Variants in SEMA6A observed in about 807,000 individuals in gnomAD.
The protein encoded by SEMA6A is semaphorin 6A.
In SEMA6A, 25 loss-of-function variants were observed where a neutral mutation model predicts 96.8. The observed-to-expected ratio is 0.26, with a 90% CI of 0.19 to 0.36. The LOEUF (loss-of-function observed/expected upper bound fraction) is 0.36, where lower values mean the gene tolerates loss of function less well. Ranked by LOEUF, SEMA6A falls within the 10% of genes least tolerant of loss-of-function variation. The pLI is 1.00. For missense variants in SEMA6A, 1,363 were observed against 1,323.1 expected (o/e 1.03, Z -0.47); for synonymous variants, 612 against 518.0 (o/e 1.18, Z -2.46).
chr5:116,527,865 T>C (rs1416434828), intron 1 of SEMA6A, among the ~76,000 whole-genome samples: 1 of 152,202 alleles, frequency 6.6e-6, no homozygotes, highest in African/African-American at 2.4e-5. Flanking sequence ...GAAGTCCAAC[T>C]CAGGTGTTAC....
At chr5:116,516,513 A>G (rs547472071) in intron 1 of SEMA6A, among the ~76,000 whole-genome samples, 7 of 152,272 alleles carry the variant, frequency 4.6e-5, no homozygotes, top group African/African-American at 1.7e-4. Context: ...AAAATTACTA[A>G]TATCTTTATT....
chr5:116,463,127 T>C (rs1272709043), intron 18 of SEMA6A, among the ~76,000 whole-genome samples: 2 of 152,310 alleles, frequency 1.3e-5, no homozygotes, highest in East Asian at 3.9e-4. Flanking sequence ...TCTCTCTTTG[T>C]CAAAAAGAGA....
At position 116,445,112 on chromosome 5, in the gene SEMA6A, C is replaced by T. The variant is rs1390727024; in HGVS notation, c.*1501G>A. On this transcript the variant is annotated 3_prime_UTR_variant, in exon 19 of 19. Coordinates refer to ENST00000343348, the MANE Select transcript of SEMA6A (RefSeq NM_020796.5). The stretch of plus-strand genomic sequence containing the variant: ...TGTGAATTGGAGGGTGTGGTGCTGC[C>T]CAGCGTTCTCAGGCTGTCGCATGAC... 6.6e-6 allele frequency: 1 copy of T among 152,644 alleles called. No individual in the cohort carries two copies. Among genetic ancestry groups the T allele is most frequent in the Non-Finnish European group, 1.5e-5 (1 of 68,052 alleles). The allele number at this position is 152,644 out of a possible 1,614,324, so 9.5% of individuals were successfully genotyped here.
At chr5:116,554,337 T>C (rs1384065727) in intron 1 of SEMA6A, among the ~76,000 whole-genome samples, 1 of 152,170 alleles carries the variant, frequency 6.6e-6, no homozygotes, top group Non-Finnish European at 1.5e-5. Context: ...AAATCAAACT[T>C]AATTGTATCC....
At chr5:116,545,566 A>G (rs960168389) in intron 1 of SEMA6A, among the ~76,000 whole-genome samples, 22 of 152,056 alleles carry the variant, frequency 1.4e-4, no homozygotes, top group African/African-American at 5.3e-4. Flanking sequence ...GCGAAACTTC[A>G]TCTTAAAAAA....
chr5:116,558,001 A>AT (rs945073952), intron 1 of SEMA6A, among the ~76,000 whole-genome samples: 24 of 152,208 alleles, frequency 1.6e-4, no homozygotes, highest in Non-Finnish European at 2.6e-4. Flanking sequence ...GTGTCCCAAC[A>AT]TTTTTTAAAA....
At chr5:116,530,024 A>G (rs1053980745) in intron 1 of SEMA6A, among the ~76,000 whole-genome samples, 1 of 149,450 alleles carries the variant, frequency 6.7e-6, no homozygotes, top group South Asian at 2.1e-4. Flanking sequence ...AAATAATGAC[A>G]ACAACAACAA....
rs772746737 is a variant in SEMA6A at position 116,447,039 on chromosome 5, A to C, written c.2667T>G (p.Gly889=). 7 of 1,613,474 alleles carry C rather than the reference A, an allele frequency of 4.3e-6. No homozygotes were observed. The East Asian group carries it at 1.6e-4, about 36-fold the overall frequency. Residue 889 remains glycine (G), a synonymous_variant, in exon 19 of 19, where the codon GGT becomes GGG. Coordinates refer to ENST00000343348, the MANE Select transcript of SEMA6A (RefSeq NM_020796.5). ...PKVPQREASL[G]PPGASLSQTG... The stretch of plus-strand genomic sequence containing the variant: ...TCTGAGACAGGGAGGCTCCCGGGGG[A>C]CCCAGGGAGGCCTCCCGCTGTGGAA...
intron 1 of SEMA6A, among the ~76,000 whole-genome samples, chr5:116,566,893 G>A (rs904593124): frequency 6.6e-6 from 1 of 152,122 alleles, no homozygotes; most frequent in Non-Finnish European, 1.5e-5. Context: ...TGCCCAACCT[G>A]AAGACCCTCT....
intron 18 of SEMA6A, among the ~76,000 whole-genome samples, chr5:116,448,697 G>A (rs1269626014): frequency 7.6e-6 from 1 of 131,272 alleles, no homozygotes; most frequent in East Asian, 2.2e-4. Context: ...TTTACACTGA[G>A]AGAATATAGC....
At chr5:116,455,767 A>G (rs1754971208) in intron 18 of SEMA6A, among the ~76,000 whole-genome samples, 1 of 152,154 alleles carries the variant, frequency 6.6e-6, no homozygotes. Flanking sequence ...TAAAGATGAG[A>G]CTGGGTGTTA....
At chr5:116,510,048 C>T (rs1258710035) in intron 1 of SEMA6A, among the ~76,000 whole-genome samples, 4 of 152,050 alleles carry the variant, frequency 2.6e-5, no homozygotes, top group African/African-American at 7.2e-5. Flanking sequence ...AGGGGTAGAA[C>T]GAACTCTCTT....
chr5:116,491,882 T>A, intron 6 of SEMA6A, 52 bp from the exon 7 acceptor site: 1 of 1,405,508 alleles, frequency 7.1e-7, no homozygotes, highest in Non-Finnish European at 1.0e-6. Context: ...TCTTTTGCCC[T>A]AAACCCTCAG....
At chr5:116,476,285 G>T (rs1756442376) in intron 15 of SEMA6A, among the ~76,000 whole-genome samples, 1 of 152,130 alleles carries the variant, frequency 6.6e-6, no homozygotes, top group South Asian at 2.1e-4. Context: ...AAGCTATTTT[G>T]ATTTTTAAAA....
chr5:116,503,631 CCTCCTGTAGCT>C (rs1302976098), intron 2 of SEMA6A, among the ~76,000 whole-genome samples: 4 of 152,060 alleles, frequency 2.6e-5, no homozygotes, highest in Non-Finnish European at 4.4e-5. Flanking sequence ...GCTGCCTCAG[CCTCCTGTAGCT>C]GGAACTACAG....
In SEMA6A at chr5:116,447,649, C is replaced by T. The variant is rs775800637; in HGVS notation, c.2057G>A (p.Arg686His). Residue 686 changes from arginine to histidine, a missense_variant, in exon 19 of 19, where the codon CGC (arginine) becomes CAC (histidine). Transcript: ENST00000343348. ...HRRKDVAVVQ[R>H]KEKELTHSRR... The stretch of plus-strand genomic sequence containing the variant: ...CGAGTGGGTGAGCTCCTTCTCCTTG[C>T]GCTGCACCACAGCCACGTCTTTGCG... 115 of 1,613,910 alleles carry T rather than the reference C, an allele frequency of 7.1e-5. No homozygotes were observed. The highest frequency in any genetic ancestry group is 9.0e-5 in the Non-Finnish European group (106 of 1,179,904).
At chr5:116,513,898 G>C (rs1324463162) in intron 1 of SEMA6A, among the ~76,000 whole-genome samples, 1 of 152,136 alleles carries the variant, frequency 6.6e-6, no homozygotes, top group Non-Finnish European at 1.5e-5. Context: ...TTCTGTTCTT[G>C]TGTTAGTTTG....
intron 2 of SEMA6A, among the ~76,000 whole-genome samples, chr5:116,503,571 G>A (rs1011842946): frequency 6.6e-6 from 1 of 150,952 alleles, no homozygotes; most frequent in African/African-American, 2.4e-5. Flanking sequence ...GAGTGCAGTG[G>A]TGTGATCTCG....
intron 1 of SEMA6A, among the ~76,000 whole-genome samples, chr5:116,522,581 G>C (rs555553052): frequency 1.3e-5 from 2 of 152,294 alleles, no homozygotes; most frequent in South Asian, 4.1e-4. Context: ...TAATTTATTA[G>C]CTTTCAAATA....
Sources: allele counts gnomAD v4.1 joint callset (sites outside exome capture counted in the v4.1 genomes callset), GRCh38; gene constraint gnomAD v4.1.1; transcripts MANE v1.5; gene names NCBI Gene and HGNC (gene_info 2026-07-23, HGNC 2026-07-21).